Variants in ASB6 observed in about 807,000 individuals in gnomAD.
The protein encoded by ASB6 is ankyrin repeat and SOCS box protein 6.
Under a neutral mutation model 28.6 loss-of-function variants are expected in ASB6, and 24 were observed. The observed-to-expected ratio is 0.84, with a 90% CI of 0.61 to 1.18. The LOEUF is 1.18. ASB6 is among the 50% of genes most tolerant of loss of function. ASB6 has a pLI of 0.00. For synonymous variants in ASB6, 267 were observed against 243.4 expected (o/e 1.10, Z -0.90); for missense variants, 519 against 559.8 (o/e 0.93, Z 0.74).
chr9:129,636,891 G>A lies in ASB6; in HGVS notation c.*899C>T, dbSNP rs1831569689. 1.3e-5 allele frequency: 2 copies of A among 152,158 alleles called. No individual in the cohort carries two copies. The highest frequency in any genetic ancestry group is 2.9e-5 in the Non-Finnish European group (2 of 68,032). 9.4% of individuals were successfully genotyped at this position (152,158 alleles called of 1,614,324 possible). ...GGTGGAAATTTTATATAAGGACCTT[G>A]TTAAGGCCAAGAAAGTCAGTTTAAT... On this transcript the variant is annotated 3_prime_UTR_variant, in exon 6 of 6. Coordinates refer to ENST00000277458, the MANE Select transcript of ASB6 (RefSeq NM_017873.4).
At chr9:129,640,088 TCAGGAGC>T (rs376332727) in intron 2 of ASB6, among the ~76,000 whole-genome samples, 22 of 152,112 alleles carry the variant, frequency 1.4e-4, no homozygotes, top group African/African-American at 5.1e-4. Context: ...TCCCTGGCAC[TCAGGAGC>T]CAGGAGCCAG....
intron 2 of ASB6, 47 bp from the exon 3 acceptor site, chr9:129,639,555 T>C (rs754637458): frequency 4.5e-6 from 7 of 1,547,018 alleles, no homozygotes; most frequent in South Asian, 2.3e-5. Flanking sequence ...GTCCGCATTC[T>C]TATGGGGCCC....
chr9:129,635,314 G>A lies in ASB6; in HGVS notation c.*2476C>T, dbSNP rs999602758. ...AAGACAACATGGCCCAGGAGGGCGT[G>A]ATTCTGGACGACGTGGACAGCAGCG... On this transcript the variant is annotated 3_prime_UTR_variant, in exon 6 of 6. Transcript: ENST00000277458. 5.6e-6 allele frequency: 9 copies of A among 1,613,728 alleles called. No homozygotes were observed. The African/African-American group carries it at 1.2e-4, about 22-fold the overall frequency.
At position 129,637,865 on chromosome 9, in the gene ASB6, T is replaced by C. The variant is rs1225457969; in HGVS notation, c.1191A>G (p.Lys397=). 3 of 1,545,308 alleles carry C rather than the reference T, an allele frequency of 1.9e-6. No homozygotes were observed. The African/African-American group carries it at 4.1e-5, about 21-fold the overall frequency. ...TCAGCCTGTCGGGCAGAGGCAGGGC[T>C]TTGACCTTCACATCCACAGGCCACG... ...LQPWPVDVKV[K]ALPLPDRLKW... The change falls in exon 6 of 6, where the codon AAA becomes AAG. Residue 397 remains lysine, a synonymous_variant. Coordinates refer to ENST00000277458, the MANE Select transcript of ASB6 (RefSeq NM_017873.4).
chr9:129,636,215 C>G lies in ASB6; in HGVS notation c.*1575G>C, dbSNP rs1466433405. The G allele has an allele frequency of 6.7e-6, 1 of 149,884 alleles. No homozygotes were observed. Among genetic ancestry groups the G allele is most frequent in the South Asian group, 2.1e-4 (1 of 4,746 alleles). The allele number at this position is 149,884 out of a possible 1,614,324, so 9.3% of individuals were successfully genotyped here. ...CTGGCTAACAGGTGAAACCCCGTCT[C>G]TACTTAAAATACAAAAAAAAAAAAA... On this transcript the variant is annotated 3_prime_UTR_variant, in exon 6 of 6. Coordinates refer to ENST00000277458, the MANE Select transcript of ASB6 (RefSeq NM_017873.4).
rs1673371461 is a variant in ASB6 at position 129,635,122 on chromosome 9, G to C, written c.*2668C>G. The C allele has an allele frequency of 6.8e-7, 1 of 1,478,546 alleles. No homozygotes were observed. Among genetic ancestry groups the C allele is most frequent in the Non-Finnish European group, 9.1e-7 (1 of 1,093,488 alleles). The allele number at this position is 1,478,546 out of a possible 1,614,324, so 91.6% of individuals were successfully genotyped here. ...ACAAAATGCTGGGCACAAATGAGGG[G>C]CTCAGCGGGGCTGAGAAGTACATCC... On this transcript the variant is annotated 3_prime_UTR_variant, in exon 6 of 6. Coordinates refer to ENST00000277458, the MANE Select transcript of ASB6 (RefSeq NM_017873.4).
chr9:129,636,697 A>AT lies in ASB6; in HGVS notation c.*1092_*1093insA, dbSNP rs1181135681. On this transcript the variant is annotated 3_prime_UTR_variant, in exon 6 of 6. Transcript: ENST00000277458. ...GGGTGACAGAGTGTCTCGAAAAAAA[A>AT]AAATAATAAAATGGGACCTCCACAC... 2 of 151,912 alleles carry AT rather than the reference A, an allele frequency of 1.3e-5. No individual in the cohort carries two copies. Among genetic ancestry groups the AT allele is most frequent in the African/African-American group, 4.8e-5 (2 of 41,356 alleles). 9.4% of individuals were successfully genotyped at this position (151,912 alleles called of 1,614,324 possible).
In ASB6 at chr9:129,634,909, C is replaced by G. The variant is rs959558935; in HGVS notation, c.*2881G>C. The G allele has an allele frequency of 1.2e-5, 5 of 403,840 alleles. No individual in the cohort carries two copies. Among genetic ancestry groups the G allele is most frequent in the Non-Finnish European group, 2.3e-5 (5 of 219,958 alleles). The allele number at this position is 403,840 out of a possible 1,614,324, so 25.0% of individuals were successfully genotyped here. A position where few individuals can be genotyped will look rare whatever the true frequency, so the allele number is the denominator to read the frequency against. Reference sequence around the variant, plus strand: ...CTTAGCCCAGGTTCACTCCTCCGATCCAAGCCTGGCAGGGGTGGGGCATCA... The same window carrying G: ...CTTAGCCCAGGTTCACTCCTCCGATGCAAGCCTGGCAGGGGTGGGGCATCA... On this transcript the variant is annotated 3_prime_UTR_variant, in exon 6 of 6. Transcript: ENST00000277458.
At position 129,640,686 on chromosome 9, in the gene ASB6, A is replaced by G. The variant is rs1301889844; in HGVS notation, c.150T>C (p.Leu50=). 4 of 1,614,036 alleles carry G rather than the reference A, an allele frequency of 2.5e-6. No individual in the cohort carries two copies. The highest frequency in any genetic ancestry group is 3.4e-6 in the Non-Finnish European group (4 of 1,180,034). The change falls in exon 2 of 6, where the codon CTT becomes CTC. Residue 50 remains leucine (L), a synonymous_variant. Transcript: ENST00000277458. ...SYVASEESRI[L]VLTELLERKA... The stretch of plus-strand genomic sequence containing the variant: ...TCCTCTCCAGCAGCTCAGTGAGAAC[A>G]AGGATTCGGCTCTCCTCGCTGGCGA...
chr9:129,638,668 G>T lies in ASB6; in HGVS notation c.512-9C>A. 1 of 1,609,480 alleles carries T rather than the reference G, an allele frequency of 6.2e-7. No homozygotes were observed. Among genetic ancestry groups the T allele is most frequent in the African/African-American group, 1.3e-5 (1 of 74,270 alleles). On this transcript the variant is annotated splice_polypyrimidine_tract_variant and intron_variant, in intron 4 of 5. Transcript: ENST00000277458. ...GAGCAGAGCAGTTTTTCCTAGGGAG[G>T]GAGGGAGAGCAAGGAGGAGCAGGAG...
rs1312764637 is a variant in ASB6 at position 129,637,877 on chromosome 9, A to G, written c.1179T>C (p.Asp393=). The G allele has an allele frequency of 6.4e-7, 1 of 1,555,266 alleles. No homozygotes were observed. Among genetic ancestry groups the G allele is most frequent in the East Asian group, 2.3e-5 (1 of 44,390 alleles). Residue 393 remains aspartate (D), a synonymous_variant, in exon 6 of 6, where the codon GAT becomes GAC. Transcript: ENST00000277458. Reference sequence around the variant, plus strand: ...GCAGAGGCAGGGCTTTGACCTTCACATCCACAGGCCACGGCTGAAGGTAGA... The same window carrying G: ...GCAGAGGCAGGGCTTTGACCTTCACGTCCACAGGCCACGGCTGAAGGTAGA... The part of the protein sequence containing the change: ...IRLYLQPWPV[D]VKVKALPLPD...
Position 129,634,725 on chromosome 9 carries a change from C to A in ASB6, c.*3065G>T. The A allele has an allele frequency of 4.5e-6, 1 of 220,000 alleles. No individual in the cohort carries two copies. The highest frequency in any genetic ancestry group is 9.0e-6 in the Non-Finnish European group (1 of 110,798). The allele number at this position is 220,000 out of a possible 1,614,324, so 13.6% of individuals were successfully genotyped here. On this transcript the variant is annotated 3_prime_UTR_variant, in exon 6 of 6. Coordinates refer to ENST00000277458, the MANE Select transcript of ASB6 (RefSeq NM_017873.4). ...GTGCCCTGGGCTGCTGACGTGGCGG[C>A]AGGCCGCTAGCAGCAGTCGGCCACC... is the stretch of plus-strand genomic sequence containing the variant.
Position 129,635,507 on chromosome 9 carries a change from G to A in ASB6, c.*2283C>T. 6.3e-7 allele frequency: 1 copy of A among 1,577,138 alleles called. No homozygotes were observed. Among genetic ancestry groups the A allele is most frequent in the Non-Finnish European group, 8.6e-7 (1 of 1,160,124 alleles). ...AAACTGAGGAACCACAGTCCTGGTG[G>A]GGGGAGCTGGCAGCTGGGCAAGATC... is the stretch of plus-strand genomic sequence containing the variant. On this transcript the variant is annotated 3_prime_UTR_variant, in exon 6 of 6. Coordinates refer to ENST00000277458, the MANE Select transcript of ASB6 (RefSeq NM_017873.4).
chr9:129,638,233 G>T lies in ASB6; in HGVS notation c.823C>A (p.Pro275Thr). The change falls in exon 6 of 6, where the codon CCT (proline) becomes ACT (threonine). Residue 275 changes from proline (P) to threonine (T), a missense_variant. Physicochemically the swap from Pro to Thr is conservative, Grantham distance 38. Transcript: ENST00000277458. ...GACTCCAGGAGGAAGCGCAGGAGAG[G>T]GAAGTGCAGTTTAAAGCTCTTCAGG... ...ICLKSFKLHFPLLRFLLESGA... is the reference protein window; with the variant it reads ...ICLKSFKLHFTLLRFLLESGA... The T allele has an allele frequency of 6.2e-7, 1 of 1,613,524 alleles. No homozygotes were observed. The highest frequency in any genetic ancestry group is 8.5e-7 in the Non-Finnish European group (1 of 1,179,918).
In ASB6 at chr9:129,638,160, C is replaced by A; in HGVS notation, c.896G>T (p.Gly299Val). The change falls in exon 6 of 6, where the codon GGC (glycine) becomes GTC (valine). Residue 299 changes from glycine (G) to valine (V), a missense_variant. Transcript: ENST00000277458. Reference sequence around the variant, plus strand: ...GAGCCTCTCAAAGATGATGTGAAAGCCAGACCAGCAGGACGCACCGTGCAG... The same window carrying A: ...GAGCCTCTCAAAGATGATGTGAAAGACAGACCAGCAGGACGCACCGTGCAG... ...CSLHGASCWS[G>V]FHIIFERLCS... 1 of 1,613,868 alleles carries A rather than the reference C, an allele frequency of 6.2e-7. No individual in the cohort carries two copies. Among genetic ancestry groups the A allele is most frequent in the South Asian group, 1.1e-5 (1 of 91,066 alleles).
At position 129,638,462 on chromosome 9, in the gene ASB6, A is replaced by C; in HGVS notation, c.599-5T>G. ...TGGTGGCCTTGACGTCTGCCCCTAG[A>C]AGAGCCATAGAACAAGAGATGCTGG... On this transcript the variant is annotated splice_region_variant and splice_polypyrimidine_tract_variant and intron_variant, in intron 5 of 5. Transcript: ENST00000277458. The C allele has an allele frequency of 6.2e-7, 1 of 1,609,272 alleles. No individual in the cohort carries two copies. Among genetic ancestry groups the C allele is most frequent in the Non-Finnish European group, 8.5e-7 (1 of 1,176,424 alleles).
At chr9:129,641,609 C>A (rs564263431) in intron 1 of ASB6, among the ~76,000 whole-genome samples, 1 of 152,366 alleles carries the variant, frequency 6.6e-6, no homozygotes, top group African/African-American at 2.4e-5. Flanking sequence ...GGGGGTGGCA[C>A]AGGACAGGCA....
At chr9:129,639,552 T>G in intron 2 of ASB6, 44 bp from the exon 3 acceptor site, 1 of 1,556,674 alleles carries the variant, frequency 6.4e-7, no homozygotes, top group East Asian at 2.3e-5. Flanking sequence ...TCTGTCCGCA[T>G]TCTTATGGGG....
At position 129,638,279 on chromosome 9, in the gene ASB6, G is replaced by A. The variant is rs763348262; in HGVS notation, c.777C>T (p.His259=). Residue 259 remains histidine (H), a synonymous_variant, in exon 6 of 6, where the codon CAC becomes CAT. Transcript: ENST00000277458. ...HGADPSECPA[H]ESLTHICLKS... ...TCAGGCAGATGTGGGTGAGGGACTC[G>A]TGGGCTGGGCACTCGCTGGGGTCGG... 15 of 1,613,098 alleles carry A rather than the reference G, an allele frequency of 9.3e-6. 1 individual carries two copies. The highest frequency in any genetic ancestry group is 4.5e-5 in the East Asian group (2 of 44,906).
Sources: gnomAD v4.1 joint callset for allele counts (sites outside exome capture counted in the v4.1 genomes callset) on GRCh38, gnomAD v4.1.1 for gene constraint, MANE v1.5 for transcripts, NCBI Gene and HGNC (gene_info 2026-07-23, HGNC 2026-07-21) for gene names.